The following EXOC6B variants were observed in gnomAD, a reference collection of about 807,000 sequenced individuals.
EXOC6B encodes the protein SEC15 homolog B.
In EXOC6B, 54 loss-of-function variants were observed where a neutral mutation model predicts 113.5. The ratio of observed to expected loss-of-function variants is 0.48; its 90% CI spans 0.38 to 0.60. The LOEUF is 0.60. Among genes scored for constraint, EXOC6B ranks in the 20% least tolerant of loss-of-function variants. The pLI is 0.00. For synonymous variants in EXOC6B, 357 were observed against 339.0 expected, an observed-to-expected ratio of 1.05 and a Z score of -0.58; for missense variants, 797 against 977.5, an observed-to-expected ratio of 0.82 and a Z score of 2.46.
chr2:72,298,610 G>A (rs557947805), intron 20 of EXOC6B, among the ~76,000 whole-genome samples: 9 of 152,290 alleles, frequency 5.9e-5, no homozygotes, highest in Admixed American at 4.6e-4. Flanking sequence ...GTATGTTTTT[G>A]CAGTGGCTGG....
At chr2:72,711,482 GC>G (rs1425298629) in intron 6 of EXOC6B, among the ~76,000 whole-genome samples, 1 of 152,054 alleles carries the variant, frequency 6.6e-6, no homozygotes, top group East Asian at 1.9e-4. Flanking sequence ...CACTACAGTA[GC>G]CCGCCAACCT....
chr2:72,722,854 A>G (rs1680092679), intron 5 of EXOC6B, among the ~76,000 whole-genome samples: 1 of 152,206 alleles, frequency 6.6e-6, no homozygotes, highest in African/African-American at 2.4e-5. Context: ...CTGCAGACGC[A>G]AGGCACATTC....
chr2:72,496,272 T>C (rs1700029193), intron 14 of EXOC6B, among the ~76,000 whole-genome samples, 182 bp downstream of exon 14: 1 of 151,820 alleles, frequency 6.6e-6, no homozygotes, highest in Non-Finnish European at 1.5e-5. Context: ...CCAAAAAGAA[T>C]CCTTCATCGT....
intron 7 of EXOC6B, among the ~76,000 whole-genome samples, chr2:72,560,185 A>G (rs935039675): frequency 4.6e-5 from 7 of 152,136 alleles, no homozygotes; most frequent in African/African-American, 7.2e-5. Flanking sequence ...AACATCAGGT[A>G]AGAACTGGAG....
chr2:72,647,290 A>G lies in EXOC6B; in HGVS notation c.669+70813T>C, dbSNP rs574836255. Among the ~76,000 whole-genome samples, 6 of 152,306 alleles carry G rather than the reference A, an allele frequency of 3.9e-5. No homozygotes were observed. In the South Asian group the frequency reaches 8.3e-4, roughly 21 times the overall value. On this transcript the variant is annotated intron_variant, in intron 6 of 21. Coordinates refer to ENST00000272427, the MANE Select transcript of EXOC6B (RefSeq NM_015189.3). ...ACGAGATAAAAGAAGACACAAACAA[A>G]TGGAAGAACATTCAATGCTCATAGA... is the stretch of plus-strand genomic sequence containing the variant.
intron 20 of EXOC6B, among the ~76,000 whole-genome samples, chr2:72,205,147 C>G (rs1434733556): frequency 6.6e-6 from 1 of 152,118 alleles, no homozygotes; most frequent in Admixed American, 6.5e-5. Flanking sequence ...GACAGAGCAG[C>G]AGGCAGGGGA....
chr2:72,338,507 A>T (rs971709934), intron 19 of EXOC6B, among the ~76,000 whole-genome samples: 1 of 152,164 alleles, frequency 6.6e-6, no homozygotes, highest in Middle Eastern at 3.2e-3. Flanking sequence ...CATTTAAAGG[A>T]AATTGATATT....
At chr2:72,689,300 A>G (rs1677316793) in intron 6 of EXOC6B, among the ~76,000 whole-genome samples, 1 of 152,180 alleles carries the variant, frequency 6.6e-6, no homozygotes, top group South Asian at 2.1e-4. Context: ...TAACAGTATT[A>G]TATCTCTAAA....
intron 20 of EXOC6B, among the ~76,000 whole-genome samples, chr2:72,289,421 T>C (rs1352075968): frequency 6.6e-6 from 1 of 152,154 alleles, no homozygotes; most frequent in Non-Finnish European, 1.5e-5. Context: ...ATCCTCTAAG[T>C]GAATACAGAT....
chr2:72,557,991 T>G (rs1346196112), intron 8 of EXOC6B, among the ~76,000 whole-genome samples: 1 of 151,900 alleles, frequency 6.6e-6, no homozygotes, highest in Non-Finnish European at 1.5e-5. Context: ...TCTAAATGAG[T>G]ATATGTTACT....
At chr2:72,661,770 G>A (rs1675034806) in intron 6 of EXOC6B, among the ~76,000 whole-genome samples, 1 of 152,000 alleles carries the variant, frequency 6.6e-6, no homozygotes, top group Admixed American at 6.5e-5. Flanking sequence ...GAAGAATAAA[G>A]TGAGAGGAAT....
intron 18 of EXOC6B, among the ~76,000 whole-genome samples, chr2:72,401,186 C>T (rs1445886534): frequency 3.3e-5 from 5 of 151,222 alleles, no homozygotes; most frequent in East Asian, 2.0e-4. Flanking sequence ...TATGGCCAGG[C>T]GTGGTAACTC....
At chr2:72,762,903 G>C (rs903441373) in intron 1 of EXOC6B, among the ~76,000 whole-genome samples, 1 of 151,806 alleles carries the variant, frequency 6.6e-6, no homozygotes, top group Non-Finnish European at 1.5e-5. Context: ...AAGATCAATG[G>C]GTGAAATGAA....
intron 18 of EXOC6B, among the ~76,000 whole-genome samples, chr2:72,401,457 C>A (rs1434388490): frequency 8.0e-6 from 1 of 125,132 alleles, no homozygotes; most frequent in East Asian, 2.4e-4. Context: ...AGCAAAACTC[C>A]GTATTTAAAA....
chr2:72,760,000 GATTCACAC>G (rs1391803505), intron 1 of EXOC6B, among the ~76,000 whole-genome samples: 1 of 152,140 alleles, frequency 6.6e-6, no homozygotes, highest in Non-Finnish European at 1.5e-5. Flanking sequence ...AAGGACAGTT[GATTCACAC>G]CATGTGTCAG....
intron 19 of EXOC6B, among the ~76,000 whole-genome samples, chr2:72,348,442 C>T (rs1433441693): frequency 6.6e-6 from 1 of 152,136 alleles, no homozygotes; most frequent in Non-Finnish European, 1.5e-5. Context: ...GTATATGCTT[C>T]AACAAGCCTG....
chr2:72,241,543 C>T (rs1682311372), intron 20 of EXOC6B, among the ~76,000 whole-genome samples: 1 of 151,998 alleles, frequency 6.6e-6, no homozygotes, highest in African/African-American at 2.4e-5. Context: ...AAATCCTACA[C>T]TTAGAGATAA....
intron 8 of EXOC6B, among the ~76,000 whole-genome samples, chr2:72,523,580 C>T (rs2105725980): frequency 6.6e-6 from 1 of 152,126 alleles, no homozygotes; most frequent in Admixed American, 6.6e-5. Context: ...AGATCGTAGC[C>T]ATCCTGGCTA....
intron 20 of EXOC6B, among the ~76,000 whole-genome samples, chr2:72,206,525 C>T (rs1160427615): frequency 6.6e-6 from 1 of 152,134 alleles, no homozygotes; most frequent in Non-Finnish European, 1.5e-5. Context: ...TTTTTCTATT[C>T]TTCCAGTGTT....
Sources: allele counts gnomAD v4.1 joint callset (sites outside exome capture counted in the v4.1 genomes callset), GRCh38; gene constraint gnomAD v4.1.1; transcripts MANE v1.5; gene names NCBI Gene and HGNC (gene_info 2026-07-23, HGNC 2026-07-21).